ZFYVE26: variants seen among roughly 807,000 people sequenced by gnomAD.
The protein encoded by ZFYVE26 is zinc finger FYVE domain-containing protein 26.
A neutral mutation model predicts 276.5 loss-of-function variants in ZFYVE26; 181 were observed. The observed-to-expected ratio is 0.65, with a 90% CI of 0.58 to 0.74. The LOEUF (loss-of-function observed/expected upper bound fraction) is 0.74. Among genes scored for constraint, ZFYVE26 ranks in the 30% least tolerant of loss-of-function variants. The pLI is 0.00. For synonymous variants in ZFYVE26, 1,129 were observed against 1,203.1 expected (o/e 0.94, Z 1.27); for missense variants, 2,821 against 3,097.9 (o/e 0.91, Z 2.12).
At chr14:67,795,818 G>C (rs2039940623) in intron 12 of ZFYVE26, among the ~76,000 whole-genome samples, 1 of 152,058 alleles carries the variant, frequency 6.6e-6, no homozygotes, top group African/African-American at 2.4e-5. Context: ...TGTATAAAGA[G>C]CTTTCTAAAA....
intron 10 of ZFYVE26, 114 bp downstream of exon 10, chr14:67,801,965 A>C: frequency 8.2e-7 from 1 of 1,214,806 alleles, no homozygotes; most frequent in South Asian, 1.2e-5. Context: ...TGGGTGAAAT[A>C]AAACCAAGGC....
intron 16 of ZFYVE26, among the ~76,000 whole-genome samples, chr14:67,787,413 G>A (rs183035391): frequency 6.6e-6 from 1 of 152,156 alleles, no homozygotes; most frequent in Non-Finnish European, 1.5e-5. Context: ...GCATAACATG[G>A]GGGCTACAGT....
chr14:67,730,758 C>A (rs1185473399), intron 13 of ZFYVE26, among the ~76,000 whole-genome samples: 10 of 152,004 alleles, frequency 6.6e-5, no homozygotes. Flanking sequence ...TGCCCGCCAC[C>A]ACACCTGACT....
Position 67,815,901 on chromosome 14 carries a change from G to C in ZFYVE26, c.63C>G (p.Cys21Trp), listed in dbSNP as rs1051361852. 1 of 1,613,822 alleles carries C rather than the reference G, an allele frequency of 6.2e-7. No individual in the cohort carries two copies. Among genetic ancestry groups the C allele is most frequent in the Non-Finnish European group, 8.5e-7 (1 of 1,179,942 alleles). ...CCCATTCTCCCCTCCGCAGGCATTCGCAGAAAAATCCAAAAAGCTGCTTCT... is the reference window on the plus strand; with the variant it reads ...CCCATTCTCCCCTCCGCAGGCATTCCCAGAAAAATCCAAAAAGCTGCTTCT... ...ASQKQLFGFF[C>W]ECLRRGEWEL... The change falls in exon 2 of 42, where the codon TGC becomes TGG. Residue 21 changes from cysteine to tryptophan, a missense_variant. Cys to Trp is a radical substitution (Grantham distance 215, BLOSUM62 -2). Coordinates refer to ENST00000347230, the MANE Select transcript of ZFYVE26 (RefSeq NM_015346.4).
chr14:67,784,382 G>C lies in ZFYVE26; in HGVS notation c.3578C>G (p.Ser1193Cys), dbSNP rs375009747. 1.9e-6 allele frequency: 3 copies of C among 1,613,964 alleles called. No homozygotes were observed. In the African/African-American group the frequency reaches 4.0e-5, roughly 22 times the overall value. Residue 1193 changes from serine (S) to cysteine (C), a missense_variant, in exon 20 of 42, where the codon TCC (serine) becomes TGC (cysteine). Coordinates refer to ENST00000347230, the MANE Select transcript of ZFYVE26 (RefSeq NM_015346.4). The stretch of plus-strand genomic sequence containing the variant: ...AAACAGGAGATGTGACACCAGTTGG[G>C]AAGAGCTCTGTTGCAGCAGAACAAA... ...NPFVLLQQSS[S>C]QLVSHLLFER...
chr14:67,808,161 A>G (rs959878788), intron 4 of ZFYVE26, among the ~76,000 whole-genome samples: 1 of 152,208 alleles, frequency 6.6e-6, no homozygotes, highest in Non-Finnish European at 1.5e-5. Context: ...ATAAATGAGG[A>G]GTTGGAGGCT....
At position 67,809,341 on chromosome 14, in the gene ZFYVE26, A is replaced by C. The variant is rs775997467; in HGVS notation, c.274-52T>G. The C allele has an allele frequency of 1.4e-5, 18 of 1,319,876 alleles. 1 individual carries two copies. The East Asian group carries it at 4.2e-4, about 31-fold the overall frequency. The allele number at this position is 1,319,876 out of a possible 1,614,324, so 81.8% of individuals were successfully genotyped here. A position where few individuals can be genotyped will look rare whatever the true frequency, so the allele number is the denominator to read the frequency against. ...AGAGATGAGATATATGTTTTAGTTA[A>C]CAAATTATAATTAAATATTTCTGTC... On this transcript the variant is annotated intron_variant, in intron 3 of 41. Coordinates refer to ENST00000347230, the MANE Select transcript of ZFYVE26 (RefSeq NM_015346.4).
At chr14:67,756,617 C>T (rs568498919) in intron 35 of ZFYVE26, among the ~76,000 whole-genome samples, 2 of 152,108 alleles carry the variant, frequency 1.3e-5, no homozygotes, top group African/African-American at 2.4e-5. Flanking sequence ...GCCTCCAGCA[C>T]ACTATCCTCT....
exon 14 of ZFYVE26, chr14:67,729,512 A>G (rs1354806250): frequency 2.4e-6 from 2 of 838,950 alleles, no homozygotes; most frequent in Non-Finnish European, 3.9e-6. Context: ...GCCTGCAAAC[A>G]GAATGCCGTT....
intron 19 of ZFYVE26, among the ~76,000 whole-genome samples, chr14:67,784,755 C>A (rs969677694): frequency 6.6e-6 from 1 of 152,112 alleles, no homozygotes; most frequent in South Asian, 2.1e-4. Flanking sequence ...GAATCTGGTA[C>A]TCATATCAGA....
intron 6 of ZFYVE26, among the ~76,000 whole-genome samples, chr14:67,806,040 A>T (rs1198855050): frequency 6.6e-6 from 1 of 152,228 alleles, no homozygotes; most frequent in Non-Finnish European, 1.5e-5. Context: ...ACAAAAAAAT[A>T]GAAGTGGTGA....
In ZFYVE26 at chr14:67,789,587, A is replaced by G. The variant is rs1411157646; in HGVS notation, c.2767T>C (p.Tyr923His). The G allele has an allele frequency of 6.2e-7, 1 of 1,614,194 alleles. No homozygotes were observed. The highest frequency in any genetic ancestry group is 8.5e-7 in the Non-Finnish European group (1 of 1,180,040). ...GSAAAAGMVF[Y>H]SISDVTDKLL... ...TTGTCAGTCACGTCAGAGATAGAGT[A>G]AAACACCATTCCTGGCCGCCCAGCA... Residue 923 changes from tyrosine (Y) to histidine (H), a missense_variant, in exon 16 of 42, where the codon TAC becomes CAC. Transcript: ENST00000347230.
chr14:67,755,964 A>G lies in ZFYVE26; in HGVS notation c.6770T>C (p.Leu2257Pro), dbSNP rs2038768234. ...KKNYYHILYE[L>P]QQFMKDQVRA... Reference sequence around the variant, plus strand: ...TGCCATTACCTTCATAAACTGCTGCAGCTCATACAGAATGTGGTAGTAGTT... The same window carrying G: ...TGCCATTACCTTCATAAACTGCTGCGGCTCATACAGAATGTGGTAGTAGTT... Residue 2257 changes from leucine (L) to proline (P), a missense_variant, in exon 36 of 42, where the codon CTG becomes CCG. By Grantham distance (98) the Leu-to-Pro change is moderately conservative. Coordinates refer to ENST00000347230, the MANE Select transcript of ZFYVE26 (RefSeq NM_015346.4). 6.2e-7 allele frequency: 1 copy of G among 1,614,124 alleles called. No homozygotes were observed. The highest frequency in any genetic ancestry group is 8.5e-7 in the Non-Finnish European group (1 of 1,180,054).
At chr14:67,745,206 CT>C (rs1267500630), downstream of ZFYVE26, among the ~76,000 whole-genome samples, 1 of 152,144 alleles carries the variant, frequency 6.6e-6, no homozygotes, top group Non-Finnish European at 1.5e-5. Flanking sequence ...GCATAAATGT[CT>C]TCTTTTGAGA....
Position 67,803,258 on chromosome 14 carries a change from C to T in ZFYVE26, c.1435+843G>A, listed in dbSNP as rs369254046. 1.4e-5 allele frequency among the ~76,000 whole-genome samples: 2 copies of T among 146,092 alleles called. 1 individual carries two copies. The highest frequency in any genetic ancestry group is 4.2e-4 in the South Asian group (2 of 4,810). The stretch of plus-strand genomic sequence containing the variant: ...GAGAGGGGAGGGAAATAAGATAAAA[C>T]TTAAAGAAAAAGAGCTTTTTAATGG... On this transcript the variant is annotated intron_variant, in intron 9 of 41. Coordinates refer to ENST00000347230, the MANE Select transcript of ZFYVE26 (RefSeq NM_015346.4).
chr14:67,784,185 A>T, intron 20 of ZFYVE26, 149 bp downstream of exon 20: 1 of 745,718 alleles, frequency 1.3e-6, no homozygotes, highest in Non-Finnish European at 2.4e-6. Context: ...AGGCACATTA[A>T]ATTTTCAGTT....
chr14:67,729,710 G>A, exon 14 of ZFYVE26: 1 of 538,446 alleles, frequency 1.9e-6, no homozygotes, highest in Non-Finnish European at 3.6e-6. Flanking sequence ...TAAGCTTTTG[G>A]CTCACTTGAT....
At chr14:67,809,485 T>C (rs1413051546) in intron 3 of ZFYVE26, among the ~76,000 whole-genome samples, 196 bp from the exon 4 acceptor site, 1 of 147,980 alleles carries the variant, frequency 6.8e-6, no homozygotes, top group East Asian at 2.0e-4. Flanking sequence ...TACCGTGGCA[T>C]GATTTTAGCT....
chr14:67,729,252 C>T lies in ZFYVE26; in HGVS notation n.3247G>A, dbSNP rs754867824. On this transcript the variant is annotated non_coding_transcript_exon_variant, in exon 14 of 15. Transcript: ENST00000394455. ...TCGTCCGCTCTGAGCTGGTCCGGCA[C>T]TCCTCCCTGCTCTGCCTGCTCTGGC... 2.5e-6 allele frequency: 4 copies of T among 1,609,416 alleles called. No homozygotes were observed. The Admixed American group carries it at 5.0e-5, about 20-fold the overall frequency.
Sources: allele counts gnomAD v4.1 joint callset (sites outside exome capture counted in the v4.1 genomes callset), GRCh38; gene constraint gnomAD v4.1.1; transcripts MANE v1.5; gene names NCBI Gene and HGNC (gene_info 2026-07-23, HGNC 2026-07-21).